Variants in DNAH9 observed in about 807,000 individuals in gnomAD.
The protein encoded by DNAH9 is DNAH9 variant protein.
DNAH9 carries 345 observed loss-of-function variants against 471.6 expected under a neutral mutation model. The ratio of observed to expected loss-of-function variants is 0.73; its 90% CI spans 0.67 to 0.80. The LOEUF (loss-of-function observed/expected upper bound fraction) is 0.80, where lower values mean the gene tolerates loss of function less well. DNAH9 is among the 30% of genes least tolerant of loss of function. DNAH9 has a pLI of 0.00. For missense variants in DNAH9, 5,407 were observed against 5,609.2 expected (o/e 0.96, Z 1.15); for synonymous variants, 2,093 against 2,123.6 (o/e 0.99, Z 0.40).
chr17:11,759,517 CTT>C lies in DNAH9; in HGVS notation c.6995+1847_6995+1848del, dbSNP rs1157505657. Among the ~76,000 whole-genome samples, 98 of 83,960 alleles carry C rather than the reference CTT, an allele frequency of 1.2e-3. 1 individual carries two copies. Among genetic ancestry groups the C allele is most frequent in the African/African-American group, 4.2e-3 (94 of 22,496 alleles). 55.1% of individuals were successfully genotyped at this position (83,960 alleles called of 152,430 possible). On this transcript the variant is annotated intron_variant, in intron 35 of 68. Coordinates refer to ENST00000262442, the MANE Select transcript of DNAH9 (RefSeq NM_001372.4). ...TATACATAGGTATATATACACACCA[CTT>C]TTTTTTTTTTTTTTTTTTTTTGAGT...
At chr17:11,963,483 G>A (rs547814408) in intron 68 of DNAH9, among the ~76,000 whole-genome samples, 3 of 152,088 alleles carry the variant, frequency 2.0e-5, no homozygotes, top group African/African-American at 7.2e-5. Context: ...ACAGATATGG[G>A]AACAATAGAC....
chr17:11,768,041 T>G (rs1968040518), intron 36 of DNAH9, among the ~76,000 whole-genome samples: 1 of 151,944 alleles, frequency 6.6e-6, no homozygotes, highest in Admixed American at 6.6e-5. Context: ...GTGTCAAGAG[T>G]CACCATTCCA....
chr17:11,885,022 G>A (rs964181634), intron 56 of DNAH9, among the ~76,000 whole-genome samples: 2 of 151,832 alleles, frequency 1.3e-5, no homozygotes, highest in African/African-American at 2.4e-5. Context: ...TTGTTGTTCA[G>A]TTTCTTTTTG....
At chr17:11,716,794 G>T (rs1271955228) in intron 26 of DNAH9, among the ~76,000 whole-genome samples, 1 of 152,216 alleles carries the variant, frequency 6.6e-6, no homozygotes, top group Non-Finnish European at 1.5e-5. Flanking sequence ...GGACAGAAAG[G>T]CAATGAGAGG....
Position 11,759,419 on chromosome 17 carries a change from C to T in DNAH9, c.6995+1727C>T, listed in dbSNP as rs796291052. Among the ~76,000 whole-genome samples, 49 of 151,944 alleles carry T rather than the reference C, an allele frequency of 3.2e-4. 1 individual carries two copies. The highest frequency in any genetic ancestry group is 1.1e-3 in the African/African-American group (46 of 41,432). On this transcript the variant is annotated intron_variant, in intron 35 of 68. Coordinates refer to ENST00000262442, the MANE Select transcript of DNAH9 (RefSeq NM_001372.4). ...CGGTCATTTTGCTAAGGATAATGGA[C>T]TCCAGTTCCATGCATGTTGCTGCAA...
At chr17:11,818,971 G>A (rs535341716) in intron 45 of DNAH9, among the ~76,000 whole-genome samples, 16 of 149,990 alleles carry the variant, frequency 1.1e-4, no homozygotes, top group African/African-American at 3.2e-4. Flanking sequence ...TCAACTTTTC[G>A]TCTGAGCTAG....
chr17:11,658,892 T>C (rs1040023083), intron 14 of DNAH9, among the ~76,000 whole-genome samples: 3 of 152,236 alleles, frequency 2.0e-5, no homozygotes, highest in Non-Finnish European at 2.9e-5. Context: ...TAGTATTTGC[T>C]CTGATAATTT....
In DNAH9 at chr17:11,797,808, C is replaced by T; in HGVS notation, c.8420+15C>T. 6.2e-7 allele frequency: 1 copy of T among 1,605,916 alleles called. No homozygotes were observed. The highest frequency in any genetic ancestry group is 1.1e-5 in the South Asian group (1 of 89,670). ...ATGCGCCATGTGTAAGTGTGCTTCT[C>T]CTCTTCCTTTTCCTCAGTTGCTTCC... On this transcript the variant is annotated intron_variant, in intron 43 of 68. Coordinates refer to ENST00000262442, the MANE Select transcript of DNAH9 (RefSeq NM_001372.4).
At chr17:11,859,290 T>C (rs945300932) in intron 50 of DNAH9, among the ~76,000 whole-genome samples, 1 of 151,048 alleles carries the variant, frequency 6.6e-6, no homozygotes, top group Non-Finnish European at 1.5e-5. Flanking sequence ...TGGGCACCTG[T>C]AATCCCAGCT....
intron 45 of DNAH9, among the ~76,000 whole-genome samples, chr17:11,814,349 A>G (rs956566783): frequency 6.6e-6 from 1 of 152,222 alleles, no homozygotes; most frequent in Non-Finnish European, 1.5e-5. Flanking sequence ...CTAACCAGCT[A>G]AGAAAACCTA....
intron 1 of DNAH9, among the ~76,000 whole-genome samples, chr17:11,606,421 A>G (rs2072503545): frequency 6.7e-6 from 1 of 148,658 alleles, no homozygotes; most frequent in Non-Finnish European, 1.5e-5. Context: ...GAGTTTACTG[A>G]CAACTTTCTT....
At chr17:11,719,519 G>T (rs745710684) in intron 27 of DNAH9, 29 bp downstream of exon 27, 1 of 1,591,162 alleles carries the variant, frequency 6.3e-7, no homozygotes, top group South Asian at 1.1e-5. Flanking sequence ...TCCTGGGGGT[G>T]GGGGTGGGGG....
In DNAH9 at chr17:11,744,960, G is replaced by A; in HGVS notation, c.6275G>A (p.Gly2092Asp). ...ACTGATGACATGCCCATCTTCATGGGCCTGATCGGGGACCTCTTTCCCGCC... is the reference window on the plus strand; with the variant it reads ...ACTGATGACATGCCCATCTTCATGGACCTGATCGGGGACCTCTTTCCCGCC... Reference protein sequence around the residue: ...IVTDDMPIFMGLIGDLFPALD... With the variant: ...IVTDDMPIFMDLIGDLFPALD... Residue 2092 changes from glycine to aspartate, a missense_variant, in exon 31 of 69, where the codon GGC (glycine) becomes GAC (aspartate). Coordinates refer to ENST00000262442, the MANE Select transcript of DNAH9 (RefSeq NM_001372.4). The A allele has an allele frequency of 6.2e-7, 1 of 1,614,194 alleles. No homozygotes were observed. Among genetic ancestry groups the A allele is most frequent in the Non-Finnish European group, 8.5e-7 (1 of 1,180,040 alleles).
Position 11,768,525 on chromosome 17 carries a change from G to C in DNAH9, c.7243G>C (p.Gly2415Arg). The C allele has an allele frequency of 6.2e-7, 1 of 1,614,192 alleles. No homozygotes were observed. Among genetic ancestry groups the C allele is most frequent in the Non-Finnish European group, 8.5e-7 (1 of 1,180,042 alleles). The change falls in exon 37 of 69, where the codon GGA becomes CGA. Residue 2415 changes from glycine (G) to arginine (R), a missense_variant. Transcript: ENST00000262442. ...CAAAACAGTCAAGTTTCCTTCCCAAGGAACCATCTTTGACTATTACATCGA... is the reference window on the plus strand; with the variant it reads ...CAAAACAGTCAAGTTTCCTTCCCAACGAACCATCTTTGACTATTACATCGA... The part of the protein sequence containing the change: ...EFKTVKFPSQ[G>R]TIFDYYIDPE...
chr17:11,953,274 C>T (rs1975469364), intron 67 of DNAH9, among the ~76,000 whole-genome samples: 1 of 152,120 alleles, frequency 6.6e-6, no homozygotes, highest in Non-Finnish European at 1.5e-5. Context: ...TTGGAGCATG[C>T]TGTACCCAGA....
In DNAH9 at chr17:11,647,094, G is replaced by T; in HGVS notation, c.1993G>T (p.Asp665Tyr). The T allele has an allele frequency of 1.2e-6, 2 of 1,614,012 alleles. No individual in the cohort carries two copies. Among genetic ancestry groups the T allele is most frequent in the Non-Finnish European group, 1.7e-6 (2 of 1,179,952 alleles). ...LEKYETRLYE[D>Y]WCRTVSEKSQ... ...CAGGTATGAGACAAGACTTTATGAG[G>T]ATTGGTGCCGGACAGTATCAGAGAA... The change falls in exon 12 of 69, where the codon GAT becomes TAT. Residue 665 changes from aspartate to tyrosine, a missense_variant. Around this residue, in one of 3 missense-constraint regions of DNAH9, gnomAD observed 4,636 missense variants for 4,900.3 expected, o/e 0.95. Transcript: ENST00000262442.
intron 58 of DNAH9, among the ~76,000 whole-genome samples, chr17:11,893,195 A>AAAAAATT (rs1567881022): frequency 6.6e-6 from 1 of 150,650 alleles, no homozygotes; most frequent in Admixed American, 6.6e-5. Context: ...AAAAAAAAAA[A>AAAAAATT]TGTGGGCCCC....
At chr17:11,812,075 A>C (rs1969949597) in intron 45 of DNAH9, among the ~76,000 whole-genome samples, 1 of 139,372 alleles carries the variant, frequency 7.2e-6, no homozygotes, top group African/African-American at 2.5e-5. Context: ...ACACACATAC[A>C]TCCAAGAATA....
chr17:11,609,402 T>A (rs1223435929), intron 2 of DNAH9, among the ~76,000 whole-genome samples: 2 of 152,250 alleles, frequency 1.3e-5, no homozygotes, highest in African/African-American at 4.8e-5. Context: ...ATTTTAACTT[T>A]GTAACATTCA....
Sources: gnomAD v4.1 joint callset for allele counts (sites outside exome capture counted in the v4.1 genomes callset) on GRCh38, gnomAD v4.1.1 for gene constraint, gnomAD v4.1.1 regional missense constraint, MANE v1.5 for transcripts, NCBI Gene and HGNC (gene_info 2026-07-23, HGNC 2026-07-21) for gene names.